TOX: variants seen among roughly 807,000 people sequenced by gnomAD.
TOX encodes thymocyte selection-associated high mobility group box protein TOX.
In TOX, 11 loss-of-function variants were observed where a neutral mutation model predicts 53.7. The ratio of observed to expected loss-of-function variants is 0.20; its 90% CI spans 0.13 to 0.34. The LOEUF (loss-of-function observed/expected upper bound fraction) is 0.34. Among genes scored for constraint, TOX ranks in the 10% least tolerant of loss-of-function variants. The pLI is 1.00. For missense variants in TOX, 570 were observed against 664.6 expected, an observed-to-expected ratio of 0.86 and a Z score of 1.56; for synonymous variants, 225 against 245.3, an observed-to-expected ratio of 0.92 and a Z score of 0.77.
At chr8:58,879,936 T>A (rs1170994339) in intron 3 of TOX, among the ~76,000 whole-genome samples, 1 of 152,214 alleles carries the variant, frequency 6.6e-6, no homozygotes, top group Non-Finnish European at 1.5e-5. Context: ...TTTCCTCTCT[T>A]CCTTGTAAAA....
At chr8:59,051,980 T>C (rs1275590970) in intron 1 of TOX, among the ~76,000 whole-genome samples, 2 of 152,220 alleles carry the variant, frequency 1.3e-5, no homozygotes, top group African/African-American at 4.8e-5. Context: ...CTCTCTACTT[T>C]GTCTTTTCTT....
Position 59,119,146 on chromosome 8 carries a change from A to AG in TOX, c.-160dup. 1 of 420,208 alleles carries AG rather than the reference A, an allele frequency of 2.4e-6. No homozygotes were observed. The highest frequency in any genetic ancestry group is 4.1e-6 in the Non-Finnish European group (1 of 242,554). The allele number at this position is 420,208 out of a possible 1,614,324, so 26.0% of individuals were successfully genotyped here. A position where few individuals can be genotyped will look rare whatever the true frequency, so the allele number is the denominator to read the frequency against. On this transcript the variant is annotated 5_prime_UTR_variant, in exon 1 of 9. Coordinates refer to ENST00000361421, the MANE Select transcript of TOX (RefSeq NM_014729.3). ...CGTTTGTGGTTTGTTTAAGAAGAAG[A>AG]GGAAAAAAAAAAAAAAGAGGGGGGA...
At chr8:59,073,571 TTTG>T (rs1804240768) in intron 1 of TOX, among the ~76,000 whole-genome samples, 1 of 152,128 alleles carries the variant, frequency 6.6e-6, no homozygotes, top group Non-Finnish European at 1.5e-5. Context: ...ATCTTGTTTT[TTTG>T]TTTTGTTTTG....
At chr8:58,839,696 A>G (rs1254672168) in intron 4 of TOX, among the ~76,000 whole-genome samples, 3 of 152,326 alleles carry the variant, frequency 2.0e-5, no homozygotes, top group African/African-American at 4.8e-5. Context: ...CGAAGTGTCA[A>G]TGCAGCTTCT....
At chr8:58,846,233 TA>T (rs1284929953) in intron 4 of TOX, among the ~76,000 whole-genome samples, 3 of 150,192 alleles carry the variant, frequency 2.0e-5, no homozygotes, top group African/African-American at 4.8e-5. Context: ...ACTTTTTTTT[TA>T]AAATAAATAA....
intron 1 of TOX, among the ~76,000 whole-genome samples, chr8:59,108,118 A>C (rs1028691402): frequency 4.6e-5 from 7 of 152,152 alleles, no homozygotes; most frequent in Non-Finnish European, 1.5e-5. Flanking sequence ...AAAAAACATA[A>C]AAGACTTGCT....
chr8:58,956,516 T>C (rs1407614361), intron 2 of TOX, among the ~76,000 whole-genome samples: 2 of 152,260 alleles, frequency 1.3e-5, no homozygotes, highest in Admixed American at 1.3e-4. Flanking sequence ...CAAATTAACA[T>C]ATCCGTCATC....
At chr8:59,063,865 C>A (rs1418529064) in intron 1 of TOX, among the ~76,000 whole-genome samples, 1 of 151,930 alleles carries the variant, frequency 6.6e-6, no homozygotes, top group Non-Finnish European at 1.5e-5. Context: ...AAAAGCATTT[C>A]TAATTCTTTT....
At chr8:58,815,837 T>C in intron 6 of TOX, 113 bp from the exon 7 acceptor site, 3 of 1,147,846 alleles carry the variant, frequency 2.6e-6, no homozygotes, top group Non-Finnish European at 3.6e-6. Context: ...TACCCATGAC[T>C]ATCCCGGACT....
intron 5 of TOX, among the ~76,000 whole-genome samples, chr8:58,836,011 G>A (rs569111958): frequency 6.6e-6 from 1 of 152,290 alleles, no homozygotes; most frequent in Admixed American, 6.5e-5. Flanking sequence ...CCTAGGGAAG[G>A]GAATTGCTTT....
chr8:58,927,491 T>C (rs1055559769), intron 3 of TOX, among the ~76,000 whole-genome samples: 1 of 152,176 alleles, frequency 6.6e-6, no homozygotes, highest in African/African-American at 2.4e-5. Context: ...CTCTGCATCT[T>C]TGTCCCATGG....
At chr8:59,091,099 C>G (rs1219693981) in intron 1 of TOX, among the ~76,000 whole-genome samples, 1 of 152,164 alleles carries the variant, frequency 6.6e-6, no homozygotes, top group Non-Finnish European at 1.5e-5. Flanking sequence ...TCAACTATTG[C>G]TCTCTCTCTT....
intron 1 of TOX, among the ~76,000 whole-genome samples, chr8:58,991,273 C>T (rs1813441187): frequency 6.6e-6 from 1 of 152,186 alleles, no homozygotes; most frequent in Non-Finnish European, 1.5e-5. Flanking sequence ...AAGGGATCTG[C>T]TCATTTAGGA....
At chr8:58,945,911 G>C (rs1440091995) in intron 2 of TOX, among the ~76,000 whole-genome samples, 3 of 151,762 alleles carry the variant, frequency 2.0e-5, no homozygotes, top group Non-Finnish European at 2.9e-5. Flanking sequence ...TCATTATACA[G>C]AGCACTTTAT....
At chr8:59,033,451 G>T (rs1024422481) in intron 1 of TOX, among the ~76,000 whole-genome samples, 7 of 152,212 alleles carry the variant, frequency 4.6e-5, no homozygotes, top group Non-Finnish European at 1.0e-4. Context: ...GATGAGTGGT[G>T]GTGGATGGTT....
At position 59,118,511 on chromosome 8, in the gene TOX, A is replaced by G. The variant is rs1382205791; in HGVS notation, c.102+375T>C. Among the ~76,000 whole-genome samples the G allele has an allele frequency of 6.6e-6, 1 of 152,130 alleles. No individual in the cohort carries two copies. The highest frequency in any genetic ancestry group is 1.5e-5 in the Non-Finnish European group (1 of 68,026). ...GAGGGAGAGAGAAGGGGGAACTGGG[A>G]AATAAACTGAATTCTCTTACTCTGC... On this transcript the variant is annotated intron_variant, in intron 1 of 8. Coordinates refer to ENST00000361421, the MANE Select transcript of TOX (RefSeq NM_014729.3). The surrounding 1 kb of genome is among the most constrained non-coding windows in gnomAD (Gnocchi z 4.1).
At chr8:58,876,627 TGTCC>T (rs1256535243) in intron 3 of TOX, among the ~76,000 whole-genome samples, 3 of 152,148 alleles carry the variant, frequency 2.0e-5, no homozygotes, top group African/African-American at 7.2e-5. Context: ...CATAGGGAAT[TGTCC>T]TGCGGAGGCT....
intron 3 of TOX, among the ~76,000 whole-genome samples, chr8:58,926,503 C>T (rs997923629): frequency 6.6e-6 from 1 of 152,104 alleles, no homozygotes; most frequent in Non-Finnish European, 1.5e-5. Context: ...GAAGGCACTG[C>T]ATATAGAATA....
chr8:58,866,443 C>G (rs1811103115), intron 3 of TOX, among the ~76,000 whole-genome samples: 2 of 152,218 alleles, frequency 1.3e-5, no homozygotes, highest in South Asian at 4.1e-4. Context: ...TTATTTATTA[C>G]AAAACCTTAA....
Sources: gnomAD v4.1 joint callset for allele counts (sites outside exome capture counted in the v4.1 genomes callset) on GRCh38, gnomAD v4.1.1 for gene constraint, Gnocchi (gnomAD v3.1) non-coding constraint, MANE v1.5 for transcripts, NCBI Gene and HGNC (gene_info 2026-07-23, HGNC 2026-07-21) for gene names.